The following KCNIP1 variants were observed in gnomAD, a reference collection of about 807,000 sequenced individuals.
The protein encoded by KCNIP1 is A-type potassium channel modulatory protein KCNIP1.
A neutral mutation model predicts 33.0 loss-of-function variants in KCNIP1; 18 were observed. That is an observed-to-expected ratio of 0.55 (90% CI 0.38 to 0.81). The LOEUF is 0.81. KCNIP1 is among the 30% of genes least tolerant of loss of function. KCNIP1 has a pLI of 0.00. For missense variants in KCNIP1, 238 were observed against 271.6 expected (o/e 0.88, Z 0.87); for synonymous variants, 93 against 98.3 (o/e 0.95, Z 0.32).
chr5:170,621,750 C>A (rs150218581), intron 1 of KCNIP1, among the ~76,000 whole-genome samples: 1 of 152,284 alleles, frequency 6.6e-6, no homozygotes, highest in African/African-American at 2.4e-5. Flanking sequence ...CTTGAGTGAT[C>A]CTCCCGCCTT....
intron 1 of KCNIP1, among the ~76,000 whole-genome samples, chr5:170,524,005 C>G (rs145817163): frequency 2.0e-5 from 3 of 152,198 alleles, no homozygotes; most frequent in Non-Finnish European, 4.4e-5. Flanking sequence ...AGCACCACCC[C>G]CCAGTCCTCC....
At chr5:170,557,362 C>T (rs181687499) in intron 1 of KCNIP1, among the ~76,000 whole-genome samples, 5 of 152,258 alleles carry the variant, frequency 3.3e-5, no homozygotes, top group Admixed American at 6.5e-5. Context: ...GGGTCCATTG[C>T]GAAGTCATCT....
chr5:170,550,299 C>G (rs1756561310), intron 1 of KCNIP1, among the ~76,000 whole-genome samples: 1 of 152,206 alleles, frequency 6.6e-6, no homozygotes, highest in East Asian at 1.9e-4. Context: ...TTAGGAAAGA[C>G]TGTTAGATAA....
intron 1 of KCNIP1, among the ~76,000 whole-genome samples, chr5:170,477,554 T>C (rs1756884922): frequency 6.6e-6 from 1 of 152,100 alleles, no homozygotes; most frequent in Admixed American, 6.6e-5. Context: ...GCAATTCTCC[T>C]GCCTCAGCCT....
At chr5:170,615,239 A>G (rs1244597940) in intron 1 of KCNIP1, among the ~76,000 whole-genome samples, 2 of 152,126 alleles carry the variant, frequency 1.3e-5, no homozygotes, top group Admixed American at 6.6e-5. Flanking sequence ...AAAAAAAGGA[A>G]AAAACAGAAC....
intron 1 of KCNIP1, among the ~76,000 whole-genome samples, chr5:170,522,350 T>C (rs1755395657): frequency 2.0e-5 from 3 of 152,212 alleles, no homozygotes; most frequent in African/African-American, 2.4e-5. Flanking sequence ...AGCATCCCGA[T>C]GAGTCTGGGT....
At chr5:170,692,567 TC>T (rs1409510855) in intron 1 of KCNIP1, among the ~76,000 whole-genome samples, 1 of 152,220 alleles carries the variant, frequency 6.6e-6, no homozygotes, top group Non-Finnish European at 1.5e-5. Context: ...ATGCACTTAC[TC>T]CCTGTGTGAC....
chr5:170,617,937 C>G (rs897330530), intron 1 of KCNIP1, among the ~76,000 whole-genome samples: 4 of 152,126 alleles, frequency 2.6e-5, no homozygotes, highest in Non-Finnish European at 4.4e-5. Context: ...GAATTACAAC[C>G]GGAGATATAA....
chr5:170,734,641 C>G (rs1012691584), intron 7 of KCNIP1, among the ~76,000 whole-genome samples: 3 of 152,058 alleles, frequency 2.0e-5, no homozygotes, highest in Non-Finnish European at 4.4e-5. Context: ...CCATTTGTAC[C>G]CCCACATTAT....
At chr5:170,366,077 C>A (rs1251808563) in intron 1 of KCNIP1, among the ~76,000 whole-genome samples, 1 of 152,130 alleles carries the variant, frequency 6.6e-6, no homozygotes, top group African/African-American at 2.4e-5. Context: ...ATACTCTTTG[C>A]CTTTCCTTTC....
chr5:170,729,414 G>A (rs1016375232), intron 5 of KCNIP1, among the ~76,000 whole-genome samples: 3 of 151,962 alleles, frequency 2.0e-5, no homozygotes, highest in South Asian at 2.1e-4. Flanking sequence ...CATATTCATC[G>A]TGCTTATCTT....
chr5:170,397,229 A>G (rs1245206925), intron 1 of KCNIP1, among the ~76,000 whole-genome samples: 1 of 152,180 alleles, frequency 6.6e-6, no homozygotes, highest in Non-Finnish European at 1.5e-5. Flanking sequence ...GGATCCATTC[A>G]GTCAATCAAG....
At chr5:170,481,673 A>G (rs1005433502) in intron 1 of KCNIP1, among the ~76,000 whole-genome samples, 42 of 152,290 alleles carry the variant, frequency 2.8e-4, no homozygotes, top group African/African-American at 9.4e-4. Context: ...TGGTCACTCA[A>G]TTGAAGGGTG....
intron 1 of KCNIP1, among the ~76,000 whole-genome samples, chr5:170,418,961 T>G (rs1014551156): frequency 6.6e-6 from 1 of 152,240 alleles, no homozygotes; most frequent in East Asian, 1.9e-4. Flanking sequence ...TTTGAGTGAG[T>G]GTCCTCGCTA....
At chr5:170,562,889 T>G (rs535005444) in intron 1 of KCNIP1, among the ~76,000 whole-genome samples, 1 of 152,336 alleles carries the variant, frequency 6.6e-6, no homozygotes, top group South Asian at 2.1e-4. Flanking sequence ...TGTAGCTGTC[T>G]GCAGTCTCGA....
chr5:170,503,022 C>T (rs773762803), upstream of KCNIP1, among the ~76,000 whole-genome samples: 1 of 152,092 alleles, frequency 6.6e-6, no homozygotes, highest in Non-Finnish European at 1.5e-5. Flanking sequence ...AACCCGTGCC[C>T]AGGAGCTGAT....
At chr5:170,428,888 C>T (rs951207458) in intron 1 of KCNIP1, among the ~76,000 whole-genome samples, 4 of 152,046 alleles carry the variant, frequency 2.6e-5, no homozygotes, top group East Asian at 1.9e-4. Flanking sequence ...ATAAAAAGGG[C>T]GTGAGAGGTC....
At chr5:170,399,090 T>G (rs531646924) in intron 1 of KCNIP1, among the ~76,000 whole-genome samples, 1 of 152,238 alleles carries the variant, frequency 6.6e-6, no homozygotes, top group South Asian at 2.1e-4. Context: ...TAGAAGGAGC[T>G]CTACACTTGG....
In KCNIP1 at chr5:170,535,373, A is replaced by C. The variant is rs867111846; in HGVS notation, c.61+30740A>C. On this transcript the variant is annotated intron_variant, in intron 1 of 7. Coordinates refer to ENST00000328939, the MANE Select transcript of KCNIP1 (RefSeq NM_014592.4). ...CTTTAATGTCAATACCCTGAGCCTG[A>C]GGCCACAAGCAAAGGCCAGCAGCTT... 8.5e-5 allele frequency among the ~76,000 whole-genome samples: 13 copies of C among 152,350 alleles called. No homozygotes were observed. The Middle Eastern group carries it at 0.014, about 159-fold the overall frequency.
Sources: gnomAD v4.1 joint callset for allele counts (sites outside exome capture counted in the v4.1 genomes callset) on GRCh38, gnomAD v4.1.1 for gene constraint, MANE v1.5 for transcripts, NCBI Gene and HGNC (gene_info 2026-07-23, HGNC 2026-07-21) for gene names.